XKR4: variants seen among roughly 807,000 people sequenced by gnomAD.
The protein encoded by XKR4 is XK-related protein 4.
Under a neutral mutation model 53.9 loss-of-function variants are expected in XKR4, and 12 were observed. The ratio of observed to expected loss-of-function variants is 0.22; its 90% CI spans 0.14 to 0.36. The LOEUF (loss-of-function observed/expected upper bound fraction) is 0.36, where lower values mean the gene tolerates loss of function less well. Ranked by LOEUF, XKR4 falls within the 10% of genes least tolerant of loss-of-function variation. The probability of loss-of-function intolerance (pLI) is 1.00; values close to 1 mark genes in which losing one functional copy is unlikely to be tolerated. For synonymous variants in XKR4, 354 were observed against 362.4 expected (o/e 0.98, Z 0.26); for missense variants, 799 against 859.5 (o/e 0.93, Z 0.88).
intron 2 of XKR4, among the ~76,000 whole-genome samples, chr8:55,387,554 C>G (rs2129388234): frequency 6.6e-6 from 1 of 152,322 alleles, no homozygotes; most frequent in African/African-American, 2.4e-5. Flanking sequence ...CTCCCCTGCT[C>G]CATTAACTGG....
intron 1 of XKR4, among the ~76,000 whole-genome samples, chr8:55,139,449 A>T: frequency 7.1e-6 from 1 of 140,008 alleles, no homozygotes; most frequent in African/African-American, 2.7e-5. Context: ...AGGCAGGAGG[A>T]TTGCTTGAAA....
chr8:55,233,103 C>T (rs1818066851), intron 1 of XKR4, among the ~76,000 whole-genome samples: 1 of 152,102 alleles, frequency 6.6e-6, no homozygotes, highest in Admixed American at 6.5e-5. Context: ...TTGATCCAGG[C>T]AACTGATTGT....
At position 55,221,384 on chromosome 8, in the gene XKR4, C is replaced by A. The variant is rs987148795; in HGVS notation, c.806+118090C>A. Among the ~76,000 whole-genome samples, 4 of 152,238 alleles carry A rather than the reference C, an allele frequency of 2.6e-5. No individual in the cohort carries two copies. In the East Asian group the frequency reaches 5.8e-4, roughly 22 times the overall value. On this transcript the variant is annotated intron_variant, in intron 1 of 2. Transcript: ENST00000327381. ...TCGCTAAGAAAGTCAATGAGACTGT[C>A]TCATTTTATGCTGTAAGGTCCCCAC...
chr8:55,236,598 A>C (rs1388852605), intron 1 of XKR4, among the ~76,000 whole-genome samples: 1 of 152,130 alleles, frequency 6.6e-6, no homozygotes, highest in African/African-American at 2.4e-5. Context: ...GACCAGACTC[A>C]ATTGTCTAAA....
At chr8:55,444,199 G>A (rs1313629643) in intron 2 of XKR4, among the ~76,000 whole-genome samples, 1 of 151,814 alleles carries the variant, frequency 6.6e-6, no homozygotes, top group East Asian at 1.9e-4. Context: ...AAACAAAAAA[G>A]ACTCCTGCCT....
At chr8:55,109,788 G>GT (rs1291095655) in intron 1 of XKR4, among the ~76,000 whole-genome samples, 12 of 152,140 alleles carry the variant, frequency 7.9e-5, no homozygotes, top group Admixed American at 7.9e-4. Flanking sequence ...TATACTATCA[G>GT]TTTTGAACAA....
chr8:55,306,817 A>G (rs1586001260), intron 1 of XKR4, among the ~76,000 whole-genome samples: 1 of 152,200 alleles, frequency 6.6e-6, no homozygotes, highest in East Asian at 1.9e-4. Flanking sequence ...AAGGCAATTC[A>G]ATGACAGAAA....
chr8:55,438,603 A>AG (rs1563349916), intron 2 of XKR4, among the ~76,000 whole-genome samples: 1 of 151,292 alleles, frequency 6.6e-6, no homozygotes, highest in Non-Finnish European at 1.5e-5. Context: ...AAAAAAAAAA[A>AG]AAAAGAGAGA....
At chr8:55,438,559 C>T (rs939907324) in intron 2 of XKR4, among the ~76,000 whole-genome samples, 3 of 135,552 alleles carry the variant, frequency 2.2e-5, no homozygotes, top group Non-Finnish European at 3.0e-5. Flanking sequence ...CACTGCACTC[C>T]AGCCTAGGTG....
At position 55,541,831 on chromosome 8, in the gene XKR4, G is replaced by A. The variant is rs1807105402; in HGVS notation, c.*17604G>A. The A allele has an allele frequency of 6.6e-6, 1 of 151,864 alleles. No homozygotes were observed. The highest frequency in any genetic ancestry group is 6.6e-5 in the Admixed American group (1 of 15,234). The allele number at this position is 151,864 out of a possible 1,614,324, so 9.4% of individuals were successfully genotyped here. On this transcript the variant is annotated 3_prime_UTR_variant, in exon 3 of 3. Transcript: ENST00000327381. ...AGATTGTAAGTGTGTCTTTATTCGC[G>A]GGAGGCCACTGTCAGCAGGCAGTGA...
In XKR4 at chr8:55,108,296, T is replaced by A. The variant is rs76865981; in HGVS notation, c.806+5002T>A. Among the ~76,000 whole-genome samples, 772 of 152,270 alleles carry A rather than the reference T, an allele frequency of 5.1e-3. 29 individuals are homozygous for A. Among genetic ancestry groups the A allele is most frequent in the Admixed American group, 0.037 (570 of 15,286 alleles). On this transcript the variant is annotated intron_variant, in intron 1 of 2. Transcript: ENST00000327381. ...GAGATGAAGAACTAGTTGGGCCAGA[T>A]AATGAAAGGAATTTAGATTGTATTT...
chr8:55,393,549 C>G (rs185344928), intron 2 of XKR4, among the ~76,000 whole-genome samples: 1 of 152,188 alleles, frequency 6.6e-6, no homozygotes, highest in East Asian at 1.9e-4. Context: ...TTATACTAAC[C>G]TTTCTGCTTT....
intron 2 of XKR4, among the ~76,000 whole-genome samples, chr8:55,476,315 C>A (rs1563361423): frequency 6.6e-6 from 1 of 151,986 alleles, no homozygotes; most frequent in Non-Finnish European, 1.5e-5. Flanking sequence ...GGAAGCAGTA[C>A]CTGGGAAGGG....
At chr8:55,392,738 C>T (rs1804460495) in intron 2 of XKR4, among the ~76,000 whole-genome samples, 1 of 152,140 alleles carries the variant, frequency 6.6e-6, no homozygotes, top group African/African-American at 2.4e-5. Flanking sequence ...TTACAGTGAG[C>T]TGAGATTGAA....
At chr8:55,240,716 AAG>A (rs1194044877) in intron 1 of XKR4, among the ~76,000 whole-genome samples, 1 of 152,228 alleles carries the variant, frequency 6.6e-6, no homozygotes, top group African/African-American at 2.4e-5. Context: ...TTGCTAAAAA[AAG>A]AGAGAGAAAG....
chr8:55,427,453 C>T (rs993207641), intron 2 of XKR4, among the ~76,000 whole-genome samples: 1 of 152,108 alleles, frequency 6.6e-6, no homozygotes, highest in African/African-American at 2.4e-5. Context: ...TCAAGCAATC[C>T]CCCTGCCTCG....
chr8:55,359,421 A>C (rs561549527), intron 2 of XKR4, among the ~76,000 whole-genome samples: 1 of 152,352 alleles, frequency 6.6e-6, no homozygotes, highest in East Asian at 1.9e-4. Context: ...TGAATTCCCA[A>C]TAGGCATATA....
chr8:55,302,633 G>C (rs1251390672), intron 1 of XKR4, among the ~76,000 whole-genome samples: 1 of 152,088 alleles, frequency 6.6e-6, no homozygotes, highest in Non-Finnish European at 1.5e-5. Context: ...CATGAGCATG[G>C]AATGTTCTTC....
rs1806906402 is a variant in XKR4 at position 55,528,466 on chromosome 8, G to C, written c.*4239G>C. On this transcript the variant is annotated 3_prime_UTR_variant, in exon 3 of 3. Transcript: ENST00000327381. ...GACACAATGTTTAGACAAGAATCCA[G>C]AGATTTTTTCTAATGAACCATTTTC... is the stretch of plus-strand genomic sequence containing the variant. The C allele has an allele frequency of 5.3e-5, 8 of 152,206 alleles. No individual in the cohort carries two copies. The highest frequency in any genetic ancestry group is 1.5e-5 in the Non-Finnish European group (1 of 68,030). 9.4% of individuals were successfully genotyped at this position (152,206 alleles called of 1,614,324 possible).
Sources: gnomAD v4.1 joint callset for allele counts (sites outside exome capture counted in the v4.1 genomes callset) on GRCh38, gnomAD v4.1.1 for gene constraint, MANE v1.5 for transcripts, NCBI Gene and HGNC (gene_info 2026-07-23, HGNC 2026-07-21) for gene names.